LAMB1: variants seen among roughly 807,000 people sequenced by gnomAD.
LAMB1 encodes the protein laminin subunit beta-1.
In LAMB1, 121 loss-of-function variants were observed where a neutral mutation model predicts 222.3. The observed-to-expected ratio is 0.54, with a 90% confidence interval of 0.47 to 0.63. The LOEUF is 0.63. LAMB1 is among the 30% of genes least tolerant of loss of function. The pLI is 0.00. For missense variants in LAMB1, 2,172 were observed against 2,240.8 expected, an observed-to-expected ratio of 0.97 and a Z score of 0.62; for synonymous variants, 794 against 807.2, an observed-to-expected ratio of 0.98 and a Z score of 0.28.
chr7:107,928,333 C>T (rs1192841215), intron 31 of LAMB1, among the ~76,000 whole-genome samples: 1 of 152,164 alleles, frequency 6.6e-6, no homozygotes. Context: ...ACTGTTCTCC[C>T]ATAGTTTCCA....
rs1254724057 is a variant in LAMB1 at position 107,961,204 on chromosome 7, A to AC, written c.2109+1dup. On this transcript the variant is annotated splice_donor_variant, in intron 17 of 33. Coordinates refer to ENST00000222399, the MANE Select transcript of LAMB1 (RefSeq NM_002291.3). LOFTEE classifies it high-confidence loss of function. ...ATATGCCAGAAGCAATCTCGCACTT[A>AC]CAGAATCGATCAGCGTGTAGGGGCT... The AC allele has an allele frequency of 6.2e-7, 1 of 1,613,878 alleles. No homozygotes were observed. The highest frequency in any genetic ancestry group is 1.7e-5 in the Admixed American group (1 of 59,958).
chr7:107,983,547 C>CTTTTTT (rs11458116), intron 7 of LAMB1, among the ~76,000 whole-genome samples: 25 of 111,134 alleles, frequency 2.2e-4, no homozygotes, highest in African/African-American at 5.7e-4. Flanking sequence ...CTCCAAAGCC[C>CTTTTTT]TTTTTTTTTT....
chr7:107,987,047 AACCCATGT>A (rs1302463399), intron 5 of LAMB1, among the ~76,000 whole-genome samples: 5 of 152,274 alleles, frequency 3.3e-5, no homozygotes, highest in African/African-American at 4.8e-5. Context: ...AGGCGGGAAC[AACCCATGT>A]ACCCATCAAC....
At chr7:107,942,732 T>A (rs1217536129) in intron 24 of LAMB1, 1 of 152,216 alleles carries the variant, frequency 6.6e-6, no homozygotes, top group Non-Finnish European at 1.5e-5. Context: ...TAAATTGTTT[T>A]TATTATCACT....
intron 25 of LAMB1, among the ~76,000 whole-genome samples, chr7:107,938,572 G>T (rs1317675223): frequency 6.6e-6 from 1 of 152,052 alleles, no homozygotes; most frequent in Non-Finnish European, 1.5e-5. Flanking sequence ...GAATAGTGAC[G>T]GTAGAAACAG....
At chr7:107,998,849 G>C (rs1356566487) in intron 3 of LAMB1, among the ~76,000 whole-genome samples, 1 of 152,166 alleles carries the variant, frequency 6.6e-6, no homozygotes, top group Non-Finnish European at 1.5e-5. Flanking sequence ...AGATATTAGA[G>C]AATTTTTGCT....
intron 24 of LAMB1, among the ~76,000 whole-genome samples, chr7:107,948,066 A>G (rs966762426): frequency 5.6e-5 from 8 of 143,320 alleles, no homozygotes; most frequent in Non-Finnish European, 1.0e-4. Context: ...CACTCACTGC[A>G]ACCTCTGCCT....
chr7:107,964,662 A>T lies in LAMB1; in HGVS notation c.1588T>A (p.Ser530Thr). 1 of 1,614,152 alleles carries T rather than the reference A, an allele frequency of 6.2e-7. No homozygotes were observed. Among genetic ancestry groups the T allele is most frequent in the Admixed American group, 1.7e-5 (1 of 60,022 alleles). The change falls in exon 14 of 34, where the codon TCA (serine) becomes ACA (threonine). Residue 530 changes from serine to threonine, a missense_variant. Coordinates refer to ENST00000222399, the MANE Select transcript of LAMB1 (RefSeq NM_002291.3). ...CGTCCAATCATGTGAGGCCGGCATG[A>T]GCACTGGCCTGACTCCGCAAAGCAA... is the stretch of plus-strand genomic sequence containing the variant. ...NSCFAESGQC[S>T]CRPHMIGRQC... is the part of the protein sequence containing the mutation.
intron 24 of LAMB1, among the ~76,000 whole-genome samples, chr7:107,947,072 G>A (rs182335959): frequency 9.7e-4 from 147 of 152,296 alleles, no homozygotes; most frequent in African/African-American, 3.4e-3. Flanking sequence ...GCTCCAGGCT[G>A]TTTTCTCCAG....
At chr7:107,966,218 T>A (rs189764245) in intron 13 of LAMB1, among the ~76,000 whole-genome samples, 47 of 152,238 alleles carry the variant, frequency 3.1e-4, no homozygotes, top group East Asian at 9.7e-4. Context: ...TATTATTATT[T>A]TTTTATTTTT....
chr7:107,986,199 G>A lies in LAMB1; in HGVS notation c.588C>T (p.Asp196=). 1.9e-6 allele frequency: 3 copies of A among 1,614,136 alleles called. No homozygotes were observed. Among genetic ancestry groups the A allele is most frequent in the Non-Finnish European group, 2.5e-6 (3 of 1,179,982 alleles). Residue 196 remains aspartate (D), a synonymous_variant, in exon 6 of 34, where the codon GAC becomes GAT. Transcript: ENST00000222399. ...DDIICDSRYS[D]IEPSTEGEVI... Reference sequence around the variant, plus strand: ...CCTCTCCTTCAGTTGAGGGTTCAATGTCAGAATATCGAGAATCACAAATTA... The same window carrying A: ...CCTCTCCTTCAGTTGAGGGTTCAATATCAGAATATCGAGAATCACAAATTA...
At chr7:107,992,193 G>T (rs2034197165) in intron 5 of LAMB1, among the ~76,000 whole-genome samples, 1 of 152,140 alleles carries the variant, frequency 6.6e-6, no homozygotes, top group Non-Finnish European at 1.5e-5. Flanking sequence ...TGACATCCCT[G>T]CTCTCCCTTC....
chr7:107,935,070 TAAAG>T (rs908213426), intron 27 of LAMB1, among the ~76,000 whole-genome samples: 6 of 151,846 alleles, frequency 4.0e-5, no homozygotes, highest in East Asian at 3.9e-4. Context: ...AAAAAAATAT[TAAAG>T]AAATGTCCAC....
rs1409796592 is a variant in LAMB1 at position 107,964,643 on chromosome 7, A to G, written c.1607T>C (p.Ile536Thr). The change falls in exon 14 of 34, where the codon ATT becomes ACT. Residue 536 changes from isoleucine (I) to threonine (T), a missense_variant. Ile to Thr is a moderately conservative substitution (Grantham distance 89, BLOSUM62 -1). Coordinates refer to ENST00000222399, the MANE Select transcript of LAMB1 (RefSeq NM_002291.3). ...TTCCACTTCGTTGCACTGACGTCCAATCATGTGAGGCCGGCATGAGCACTG... is the reference window on the plus strand; with the variant it reads ...TTCCACTTCGTTGCACTGACGTCCAGTCATGTGAGGCCGGCATGAGCACTG... Reference protein sequence around the residue: ...SGQCSCRPHMIGRQCNEVEPG... With the variant: ...SGQCSCRPHMTGRQCNEVEPG... 21 of 1,613,998 alleles carry G rather than the reference A, an allele frequency of 1.3e-5. No homozygotes were observed. Among genetic ancestry groups the G allele is most frequent in the South Asian group, 3.3e-5 (3 of 91,076 alleles).
intron 14 of LAMB1, among the ~76,000 whole-genome samples, chr7:107,964,002 C>G (rs1267283859): frequency 6.6e-6 from 1 of 152,198 alleles, no homozygotes; most frequent in Non-Finnish European, 1.5e-5. Flanking sequence ...GAAGCTGAAG[C>G]AGGAGAATCG....
rs751893035 is a variant in LAMB1, at chr7:107,951,986, C to A, written c.3294+23G>T. On this transcript the variant is annotated intron_variant, in intron 23 of 33. Transcript: ENST00000222399. ...CTGACACCTGAGCTCATAAAGGCAT[C>A]ATCCCCAGCAGCAGCCCCTCACCTC... 2.5e-6 allele frequency: 4 copies of A among 1,587,774 alleles called. No individual in the cohort carries two copies. The East Asian group carries it at 6.8e-5, about 27-fold the overall frequency.
intron 13 of LAMB1, among the ~76,000 whole-genome samples, chr7:107,970,434 G>A (rs1393011681): frequency 8.0e-6 from 1 of 125,518 alleles, no homozygotes; most frequent in Non-Finnish European, 1.6e-5. Flanking sequence ...GTTGCAGTGA[G>A]CCAAGATCAA....
In LAMB1 at chr7:107,995,010, A is replaced by C. The variant is rs751235855; in HGVS notation, c.350-50T>G. 3.1e-5 allele frequency: 31 copies of C among 984,710 alleles called. No homozygotes were observed. The East Asian group carries it at 5.6e-4, about 18-fold the overall frequency. 61.0% of individuals were successfully genotyped at this position (984,710 alleles called of 1,614,324 possible). ...AACAATAAATGAAACTGTAAATAGA[A>C]ACATCTGTGAATAGTTGAGACTATT... On this transcript the variant is annotated intron_variant, in intron 4 of 33. Transcript: ENST00000222399.
intron 4 of LAMB1, 99 bp downstream of exon 4, chr7:107,998,258 A>C: frequency 8.3e-7 from 1 of 1,204,152 alleles, no homozygotes; most frequent in Non-Finnish European, 1.2e-6. Flanking sequence ...ATTACAGGAC[A>C]GAGAAGTGAA....
Sources: gnomAD v4.1 joint callset for allele counts (sites outside exome capture counted in the v4.1 genomes callset) on GRCh38, gnomAD v4.1.1 for gene constraint, MANE v1.5 for transcripts, NCBI Gene and HGNC (gene_info 2026-07-23, HGNC 2026-07-21) for gene names.